TTLL11: variants seen among roughly 807,000 people sequenced by gnomAD.
The protein encoded by TTLL11 is tubulin polyglutamylase TTLL11.
Under a neutral mutation model 51.7 loss-of-function variants are expected in TTLL11, and 42 were observed. That is an observed-to-expected ratio of 0.81 (90% CI 0.64 to 1.05). The LOEUF is 1.05. TTLL11 is among the 50% of genes least tolerant of loss of function. The probability of loss-of-function intolerance (pLI) is 0.00; values close to 1 mark genes in which losing one functional copy is unlikely to be tolerated. For missense variants in TTLL11, 799 were observed against 940.4 expected (o/e 0.85, Z 1.97); for synonymous variants, 381 against 383.5 (o/e 0.99, Z 0.08).
chr9:122,007,572 T>G (rs975349546), intron 3 of TTLL11, among the ~76,000 whole-genome samples: 6 of 151,478 alleles, frequency 4.0e-5, no homozygotes, highest in African/African-American at 1.5e-4. Context: ...TAGATATTGA[T>G]GGTAAAATAT....
chr9:121,897,866 TCTC>T lies in TTLL11; in HGVS notation c.1482-27121_1482-27119del, dbSNP rs373298887. ...CCATCAAATGGATGTTTTTCCTTCT[TCTC>T]CCTTTCTCCCTTCTCTTTTCTCCTC... On this transcript the variant is annotated intron_variant, in intron 6 of 8. Coordinates refer to ENST00000321582, the MANE Select transcript of TTLL11 (RefSeq NM_001139442.2). 2.9e-3 allele frequency among the ~76,000 whole-genome samples: 436 copies of T among 151,860 alleles called. 3 individuals carry two copies. Among genetic ancestry groups the T allele is most frequent in the African/African-American group, 0.01 (418 of 41,382 alleles).
At chr9:122,062,520 G>A (rs974451007) in intron 1 of TTLL11, among the ~76,000 whole-genome samples, 3 of 137,174 alleles carry the variant, frequency 2.2e-5, no homozygotes, top group Non-Finnish European at 4.5e-5. Flanking sequence ...CCAGGCTGGA[G>A]TGCAGTGGCA....
At chr9:122,088,849 T>C (rs768799783) in intron 1 of TTLL11, among the ~76,000 whole-genome samples, 1 of 151,480 alleles carries the variant, frequency 6.6e-6, no homozygotes, top group Non-Finnish European at 1.5e-5. Context: ...CTATTAAAAA[T>C]ACAAAAATTA....
chr9:121,973,227 G>A (rs1281867182), intron 6 of TTLL11, among the ~76,000 whole-genome samples: 1 of 152,208 alleles, frequency 6.6e-6, no homozygotes, highest in African/African-American at 2.4e-5. Context: ...AGTGGGTGGG[G>A]ACGAAGCAGA....
intron 2 of TTLL11, 119 bp downstream of exon 2, chr9:122,039,153 A>T (rs1391459739): frequency 4.9e-6 from 4 of 810,182 alleles, no homozygotes; most frequent in Non-Finnish European, 7.9e-6. Flanking sequence ...GAACACAGCA[A>T]TTCCCAATTA....
At chr9:121,825,269 A>G (rs895959784) in intron 8 of TTLL11, among the ~76,000 whole-genome samples, 2 of 152,150 alleles carry the variant, frequency 1.3e-5, no homozygotes, top group Non-Finnish European at 2.9e-5. Flanking sequence ...ACACAGAGTG[A>G]GAAGATTAGG....
intron 6 of TTLL11, among the ~76,000 whole-genome samples, chr9:121,876,537 C>T (rs145914986): frequency 1.2e-3 from 176 of 152,234 alleles, no homozygotes; most frequent in African/African-American, 4.1e-3. Flanking sequence ...CAGCATGGGT[C>T]TAGGTCATAC....
intron 8 of TTLL11, among the ~76,000 whole-genome samples, chr9:121,846,757 T>G (rs1463090120): frequency 2.6e-5 from 4 of 152,194 alleles, no homozygotes; most frequent in Admixed American, 6.5e-5. Flanking sequence ...ATATAAATTA[T>G]TGAAATTTGT....
chr9:121,973,613 A>G (rs13289213), intron 6 of TTLL11, among the ~76,000 whole-genome samples: 49,560 of 149,588 alleles, frequency 0.33, 8,663 homozygotes, highest in African/African-American at 0.4. Flanking sequence ...GGAGGGGGGA[A>G]GGACAGCATT....
Position 121,829,793 on chromosome 9 carries a change from ACACACACACACACACACACAC to A in TTLL11, c.1841-6935_1841-6915del, listed in dbSNP as rs1277255022. Among the ~76,000 whole-genome samples the A allele has an allele frequency of 4.6e-5, 7 of 151,676 alleles. No individual in the cohort carries two copies. In the East Asian group the frequency reaches 1.4e-3, roughly 29 times the overall value. ...TTCAAGTACACACACACACACACAC[ACACACACACACACACACACAC>A]CACACACACACACAATTTTAAAAAT... On this transcript the variant is annotated intron_variant, in intron 8 of 8. Coordinates refer to ENST00000321582, the MANE Select transcript of TTLL11 (RefSeq NM_001139442.2).
At position 121,874,902 on chromosome 9, in the gene TTLL11, G is replaced by A. The variant is rs142867076; in HGVS notation, c.1482-4154C>T. ...CTCCCAAGTAGCTGGAACTACAGGCGTGTGCCACTATGTCTGGCTAATTTT... is the reference window on the plus strand; with the variant it reads ...CTCCCAAGTAGCTGGAACTACAGGCATGTGCCACTATGTCTGGCTAATTTT... On this transcript the variant is annotated intron_variant, in intron 6 of 8. Coordinates refer to ENST00000321582, the MANE Select transcript of TTLL11 (RefSeq NM_001139442.2). Among the ~76,000 whole-genome samples, 184 of 152,024 alleles carry A rather than the reference G, an allele frequency of 1.2e-3. 1 individual carries two copies. The highest frequency in any genetic ancestry group is 2.5e-3 in the East Asian group (13 of 5,166).
chr9:121,994,946 A>T (rs1843210349), intron 3 of TTLL11, among the ~76,000 whole-genome samples: 1 of 152,200 alleles, frequency 6.6e-6, no homozygotes, highest in Admixed American at 6.5e-5. Context: ...TGGGAGAGAG[A>T]GACAGGAACA....
chr9:121,978,469 AT>A (rs918310538), intron 4 of TTLL11, among the ~76,000 whole-genome samples: 2 of 59,100 alleles, frequency 3.4e-5, no homozygotes, highest in African/African-American at 1.9e-4. Flanking sequence ...TTATTTATTT[AT>A]TTATTTATTT....
intron 1 of TTLL11, 24 bp downstream of exon 1, chr9:122,092,663 C>T: frequency 6.5e-7 from 1 of 1,536,046 alleles, no homozygotes; most frequent in Non-Finnish European, 8.7e-7. Flanking sequence ...TGTGCCCACG[C>T]GGCCGGGTCG....
At chr9:122,042,430 G>A (rs1396602393) in intron 1 of TTLL11, among the ~76,000 whole-genome samples, 2 of 152,228 alleles carry the variant, frequency 1.3e-5, no homozygotes, top group Admixed American at 6.5e-5. Context: ...CCAAATGCTG[G>A]CAAGGACGTC....
chr9:122,024,267 A>AAAAACACT (rs1198529319), intron 3 of TTLL11, among the ~76,000 whole-genome samples: 1 of 152,196 alleles, frequency 6.6e-6, no homozygotes, highest in Non-Finnish European at 1.5e-5. Flanking sequence ...CTAAAAACTA[A>AAAAACACT]AAAACACTGT....
chr9:121,866,985 G>A (rs1838199507), intron 7 of TTLL11, among the ~76,000 whole-genome samples: 1 of 152,178 alleles, frequency 6.6e-6, no homozygotes, highest in African/African-American at 2.4e-5. Flanking sequence ...GCAAAAGGGT[G>A]AAAAATCATA....
chr9:121,998,326 A>G (rs1195246905), intron 3 of TTLL11, among the ~76,000 whole-genome samples: 2 of 151,892 alleles, frequency 1.3e-5, no homozygotes, highest in Admixed American at 6.6e-5. Flanking sequence ...TTGCTCTGTC[A>G]CCCAGGCTGG....
At chr9:121,985,508 CTTTTCTTTTTTTTT>C in intron 4 of TTLL11, among the ~76,000 whole-genome samples, 1 of 131,350 alleles carries the variant, frequency 7.6e-6, no homozygotes, top group East Asian at 2.2e-4. Context: ...ATACCATTTT[CTTTTCTTTTTTTTT>C]TTTTTTTTTT....
Sources: gnomAD v4.1 joint callset for allele counts (sites outside exome capture counted in the v4.1 genomes callset) on GRCh38, gnomAD v4.1.1 for gene constraint, MANE v1.5 for transcripts, NCBI Gene and HGNC (gene_info 2026-07-23, HGNC 2026-07-21) for gene names.